The following DCAF17 variants were observed in gnomAD, a reference collection of about 807,000 sequenced individuals.
The protein encoded by DCAF17 is DDB1- and CUL4-associated factor 17.
DCAF17 carries 48 observed loss-of-function variants against 66.0 expected under a neutral mutation model. The ratio of observed to expected loss-of-function variants is 0.73; its 90% CI spans 0.58 to 0.92. DCAF17 has a LOEUF of 0.92. Ranked by LOEUF, DCAF17 falls within the 40% of genes least tolerant of loss-of-function variation. The pLI, the probability that DCAF17 is intolerant of heterozygous loss-of-function variation, is 0.00. For missense variants in DCAF17, 562 were observed against 622.8 expected (o/e 0.90, Z 1.04); for synonymous variants, 206 against 214.6 (o/e 0.96, Z 0.35).
chr2:171,477,673 C>T (rs1006635372), intron 11 of DCAF17, among the ~76,000 whole-genome samples: 2 of 152,012 alleles, frequency 1.3e-5, no homozygotes, highest in Non-Finnish European at 2.9e-5. Flanking sequence ...ATGCCTGTAG[C>T]CCCAGCTACT....
Position 171,483,385 on chromosome 2 carries a change from A to C in DCAF17, c.*2271A>C, listed in dbSNP as rs989643272. On this transcript the variant is annotated 3_prime_UTR_variant, in exon 14 of 14. Coordinates refer to ENST00000375255, the MANE Select transcript of DCAF17 (RefSeq NM_025000.4). The stretch of plus-strand genomic sequence containing the variant: ...GCCCAGGTGAAGCAGGGTAGCTTCC[A>C]TCAGCAGGTACAGACGTTACGCTGA... 8.8e-6 allele frequency: 4 copies of C among 454,046 alleles called. No individual in the cohort carries two copies. The highest frequency in any genetic ancestry group is 8.0e-5 in the African/African-American group (4 of 50,024). The allele number at this position is 454,046 out of a possible 1,614,324, so 28.1% of individuals were successfully genotyped here.
Position 171,481,050 on chromosome 2 carries a change from G to T in DCAF17, c.1499G>T (p.Cys500Phe). Reference sequence around the variant, plus strand: ...CAGAAACCCAACAGAGTCTTCAGCTGCTATGTTTACCAGATGATATGTGAC... The same window carrying T: ...CAGAAACCCAACAGAGTCTTCAGCTTCTATGTTTACCAGATGATATGTGAC... The part of the protein sequence containing the change: ...IEQKPNRVFS[C>F]YVYQMICDTG... Residue 500 changes from cysteine (C) to phenylalanine (F), a missense_variant, in exon 14 of 14, where the codon TGC becomes TTC. This residue lies in a region of DCAF17 where 201 missense variants were observed against 231.1 expected (regional missense o/e 0.87). Transcript: ENST00000375255. The T allele has an allele frequency of 6.2e-7, 1 of 1,613,746 alleles. No homozygotes were observed. Among genetic ancestry groups the T allele is most frequent in the South Asian group, 1.1e-5 (1 of 91,072 alleles).
intron 5 of DCAF17, among the ~76,000 whole-genome samples, chr2:171,452,610 T>C (rs1195212901): frequency 1.3e-5 from 2 of 152,110 alleles, no homozygotes; most frequent in African/African-American, 2.4e-5. Context: ...TGCGCCACCA[T>C]GTCCAGCTAA....
At chr2:171,457,874 G>A (rs1351042047) in intron 6 of DCAF17, 97 bp from the exon 7 acceptor site, 7 of 949,142 alleles carry the variant, frequency 7.4e-6, no homozygotes, top group African/African-American at 1.6e-5. Flanking sequence ...TTATCATAGT[G>A]ACATGAATAT....
chr2:171,455,493 T>C (rs1412611095), intron 6 of DCAF17, among the ~76,000 whole-genome samples: 1 of 152,194 alleles, frequency 6.6e-6, no homozygotes, highest in Non-Finnish European at 1.5e-5. Context: ...TTTATATTTA[T>C]AATAGAAGGA....
At chr2:171,464,959 G>A (rs1695810186) in intron 8 of DCAF17, among the ~76,000 whole-genome samples, 1 of 152,016 alleles carries the variant, frequency 6.6e-6, no homozygotes, top group Non-Finnish European at 1.5e-5. Flanking sequence ...ACTTTGGGAG[G>A]CCAAGGCAGG....
At chr2:171,459,201 G>A (rs919472493) in intron 8 of DCAF17, among the ~76,000 whole-genome samples, 10 of 151,880 alleles carry the variant, frequency 6.6e-5, no homozygotes, top group African/African-American at 1.9e-4. Context: ...CCACCTACTC[G>A]CAAGGGAGGC....
Position 171,456,189 on chromosome 2 carries a change from G to A in DCAF17, c.628-1782G>A, listed in dbSNP as rs111556008. The stretch of plus-strand genomic sequence containing the variant: ...TAATCCATCTTGAGTTAATTTTTGC[G>A]TATGGTGTAAGGAAGGGGTCGAGTT... On this transcript the variant is annotated intron_variant, in intron 6 of 13. Coordinates refer to ENST00000375255, the MANE Select transcript of DCAF17 (RefSeq NM_025000.4). 6.6e-4 allele frequency among the ~76,000 whole-genome samples: 101 copies of A among 152,172 alleles called. 1 individual carries two copies. The highest frequency in any genetic ancestry group is 2.2e-3 in the African/African-American group (92 of 41,528).
At chr2:171,434,998 G>T (rs1011480289) in intron 1 of DCAF17, 85 bp from the exon 2 acceptor site, 2 of 1,184,050 alleles carry the variant, frequency 1.7e-6, no homozygotes, top group Non-Finnish European at 2.5e-6. Context: ...AATAATATAG[G>T]TGACATTATG....
chr2:171,450,056 G>A, intron 5 of DCAF17, 99 bp downstream of exon 5: 1 of 1,065,640 alleles, frequency 9.4e-7, no homozygotes, highest in Non-Finnish European at 1.4e-6. Context: ...TATTTCTGAA[G>A]CATGCTGTAA....
At chr2:171,459,127 T>C (rs1405744146) in intron 8 of DCAF17, among the ~76,000 whole-genome samples, 1 of 152,048 alleles carries the variant, frequency 6.6e-6, no homozygotes, top group Non-Finnish European at 1.5e-5. Flanking sequence ...CTGACCAACG[T>C]GGAGAAACCC....
Position 171,481,710 on chromosome 2 carries a change from C to A in DCAF17, c.*596C>A, listed in dbSNP as rs1436275198. The A allele has an allele frequency of 2.2e-6, 1 of 453,824 alleles. No individual in the cohort carries two copies. The highest frequency in any genetic ancestry group is 6.9e-5 in the East Asian group (1 of 14,400). The allele number at this position is 453,824 out of a possible 1,614,324, so 28.1% of individuals were successfully genotyped here. A position where few individuals can be genotyped will look rare whatever the true frequency, so the allele number is the denominator to read the frequency against. On this transcript the variant is annotated 3_prime_UTR_variant, in exon 14 of 14. Transcript: ENST00000375255. The stretch of plus-strand genomic sequence containing the variant: ...GAATTGGTTCTAGTTCCCAAATTAT[C>A]TTTTCTTCCTTGGTTTTGTTCTCTT...
At position 171,480,089 on chromosome 2, in the gene DCAF17, G is replaced by C. The variant is rs1043517003; in HGVS notation, c.1318G>C (p.Ala440Pro). 12 of 1,613,670 alleles carry C rather than the reference G, an allele frequency of 7.4e-6. No individual in the cohort carries two copies. The highest frequency in any genetic ancestry group is 3.4e-6 in the Non-Finnish European group (4 of 1,179,794). The change falls in exon 13 of 14, where the codon GCT (alanine) becomes CCT (proline). Residue 440 changes from alanine to proline, a missense_variant. Ala to Pro is a conservative substitution (Grantham distance 27). Around this residue, in one of 3 missense-constraint regions of DCAF17, gnomAD observed 201 missense variants for 231.1 expected, o/e 0.87. Coordinates refer to ENST00000375255, the MANE Select transcript of DCAF17 (RefSeq NM_025000.4). ...TGAGTTAGATTTGCTTTCTGTGGTA[G>C]CTGTTACTCAAATAGATGCTGAAGG... ...EDELDLLSVVAVTQIDAEGKA... is the reference protein window; with the variant it reads ...EDELDLLSVVPVTQIDAEGKA...
At chr2:171,475,710 C>G (rs1696466175) in intron 10 of DCAF17, among the ~76,000 whole-genome samples, 1 of 152,158 alleles carries the variant, frequency 6.6e-6, no homozygotes, top group Non-Finnish European at 1.5e-5. Flanking sequence ...CTGCAGTGAG[C>G]TATGATTGTA....
chr2:171,443,596 T>C lies in DCAF17; in HGVS notation c.304T>C (p.Leu102=), dbSNP rs746564010. Residue 102 remains leucine, a synonymous_variant, in exon 3 of 14, where the codon TTA becomes CTA. Coordinates refer to ENST00000375255, the MANE Select transcript of DCAF17 (RefSeq NM_025000.4). ...SKSEKIEDAL[L]WECPVGDILP... is the part of the protein sequence containing the mutation. ...ATCAGAAAAAATAGAGGATGCTTTA[T>C]TATGGGAATGCCCAGTGGTAAGATT... is the stretch of plus-strand genomic sequence containing the variant. The C allele has an allele frequency of 3.1e-6, 5 of 1,613,058 alleles. No homozygotes were observed. The South Asian group carries it at 5.5e-5, about 18-fold the overall frequency.
chr2:171,454,326 C>A (rs1057034150), intron 6 of DCAF17, among the ~76,000 whole-genome samples: 1 of 150,876 alleles, frequency 6.6e-6, no homozygotes, highest in African/African-American at 2.4e-5. Flanking sequence ...GCTCTGTCAC[C>A]CAGGCTGCAG....
intron 8 of DCAF17, among the ~76,000 whole-genome samples, chr2:171,464,749 A>G (rs893331582): frequency 2.0e-5 from 3 of 152,308 alleles, no homozygotes; most frequent in South Asian, 2.1e-4. Context: ...AAAATTCATT[A>G]GCTCATTTTC....
chr2:171,436,514 T>C (rs898295625), intron 2 of DCAF17, among the ~76,000 whole-genome samples: 2 of 152,366 alleles, frequency 1.3e-5, no homozygotes, highest in Middle Eastern at 3.4e-3. Flanking sequence ...CATCTCACTG[T>C]GGTTTTGATT....
intron 10 of DCAF17, among the ~76,000 whole-genome samples, chr2:171,475,388 GA>G (rs1382215661): frequency 6.6e-6 from 1 of 152,160 alleles, no homozygotes. Flanking sequence ...TGATGACAGG[GA>G]AAGAGTCTGT....
Sources: gnomAD v4.1 joint callset for allele counts (sites outside exome capture counted in the v4.1 genomes callset) on GRCh38, gnomAD v4.1.1 for gene constraint, gnomAD v4.1.1 regional missense constraint, MANE v1.5 for transcripts, NCBI Gene and HGNC (gene_info 2026-07-23, HGNC 2026-07-21) for gene names.